Variants in LAMA3 observed in about 807,000 individuals in gnomAD.
LAMA3 encodes laminin subunit alpha-3.
LAMA3 carries 281 observed loss-of-function variants against 402.0 expected under a neutral mutation model. The ratio of observed to expected loss-of-function variants is 0.70; its 90% CI spans 0.63 to 0.77. The LOEUF is 0.77. Among genes scored for constraint, LAMA3 ranks in the 30% least tolerant of loss-of-function variants. The probability of loss-of-function intolerance (pLI) is 0.00; values close to 1 mark genes in which losing one functional copy is unlikely to be tolerated. For missense variants in LAMA3, 3,840 were observed against 4,215.5 expected, an observed-to-expected ratio of 0.91 and a Z score of 2.47; for synonymous variants, 1,431 against 1,558.4, an observed-to-expected ratio of 0.92 and a Z score of 1.93.
At chr18:23,766,011 A>G (rs2062068559) in intron 8 of LAMA3, among the ~76,000 whole-genome samples, 1 of 152,154 alleles carries the variant, frequency 6.6e-6, no homozygotes, top group Admixed American at 6.5e-5. Context: ...TTGGACTCCC[A>G]GAAGCAGAGA....
chr18:23,785,036 G>A (rs2062515761), intron 12 of LAMA3, among the ~76,000 whole-genome samples: 1 of 152,218 alleles, frequency 6.6e-6, no homozygotes, highest in Non-Finnish European at 1.5e-5. Context: ...CCAATGGAAT[G>A]GCTGGGTTTT....
Position 23,928,209 on chromosome 18 carries a change from G to A in LAMA3, c.8264G>A (p.Gly2755Glu), listed in dbSNP as rs1332650594. The A allele has an allele frequency of 1.7e-5, 27 of 1,613,344 alleles. No homozygotes were observed. The highest frequency in any genetic ancestry group is 2.3e-5 in the Non-Finnish European group (27 of 1,179,252). Residue 2755 changes from glycine (G) to glutamate (E), a missense_variant, in exon 63 of 75, where the codon GGA becomes GAA. Physicochemically the swap from Gly to Glu is moderately conservative, Grantham distance 98 (BLOSUM62 -2). Transcript: ENST00000313654. ...GTCGTTAGATTGAATGATACTGTGG[G>A]AGTAACCAAAAAGTGCTCGGAAGAC... ...SGVVRLNDTVGVTKKCSEDWK... is the reference protein window; with the variant it reads ...SGVVRLNDTVEVTKKCSEDWK...
chr18:23,772,835 G>A (rs1045678767), intron 8 of LAMA3, among the ~76,000 whole-genome samples: 1 of 152,204 alleles, frequency 6.6e-6, no homozygotes, highest in African/African-American at 2.4e-5. Flanking sequence ...AAATGAGCTA[G>A]ATCCATAGTT....
At position 23,899,058 on chromosome 18, in the gene LAMA3, T is replaced by G. The variant is rs896499645; in HGVS notation, c.5829T>G (p.Asn1943Lys). ...TGAAGATTAAAAATGTCATCCGGAA[T>G]GTGCACAGTAAGAAGAGTTATTAAG... Reference protein sequence around the residue: ...LDVKIKNVIRNVHILLKQISG... With the variant: ...LDVKIKNVIRKVHILLKQISG... The change falls in exon 46 of 75, where the codon AAT becomes AAG. Residue 1943 changes from asparagine (N) to lysine (K), a missense_variant. Asn to Lys is a moderately conservative substitution (Grantham distance 94). This residue lies in a region of LAMA3 where 891 missense variants were observed against 857.5 expected (regional missense o/e 1.04). Coordinates refer to ENST00000313654, the MANE Select transcript of LAMA3 (RefSeq NM_198129.4). 9 of 1,611,792 alleles carry G rather than the reference T, an allele frequency of 5.6e-6. No individual in the cohort carries two copies. Among genetic ancestry groups the G allele is most frequent in the Non-Finnish European group, 6.8e-6 (8 of 1,178,012 alleles).
Position 23,740,532 on chromosome 18 carries a change from T to A in LAMA3, c.448-7411T>A, listed in dbSNP as rs144564299. 1.4e-3 allele frequency among the ~76,000 whole-genome samples: 207 copies of A among 152,240 alleles called. 1 individual carries two copies. The highest frequency in any genetic ancestry group is 4.9e-3 in the African/African-American group (202 of 41,522). ...CTCAGGCTCCTGTGGTTCTTTTATA[T>A]TAGAAAGTGAGACACTCTCTCTTCT... is the stretch of plus-strand genomic sequence containing the variant. On this transcript the variant is annotated intron_variant, in intron 2 of 74. Coordinates refer to ENST00000313654, the MANE Select transcript of LAMA3 (RefSeq NM_198129.4).
At chr18:23,897,139 T>C (rs182289435) in intron 44 of LAMA3, among the ~76,000 whole-genome samples, 1 of 152,100 alleles carries the variant, frequency 6.6e-6, no homozygotes, top group Admixed American at 6.5e-5. Flanking sequence ...AAAGACCCAA[T>C]TGAAAATCAT....
intron 10 of LAMA3, 48 bp from the exon 11 acceptor site, chr18:23,777,509 C>A: frequency 7.8e-7 from 1 of 1,277,440 alleles, no homozygotes; most frequent in Non-Finnish European, 1.1e-6. Context: ...TTTTACTTTA[C>A]TATCTCCTTA....
intron 12 of LAMA3, among the ~76,000 whole-genome samples, chr18:23,799,140 G>T (rs1269752979): frequency 6.6e-6 from 1 of 152,194 alleles, no homozygotes; most frequent in East Asian, 1.9e-4. Context: ...TGACAGACAA[G>T]CCCCTGTCCT....
rs145596351 is a variant in LAMA3, at chr18:23,705,170, C to T, written c.295-8750C>T. 9.8e-3 allele frequency among the ~76,000 whole-genome samples: 1,487 copies of T among 152,180 alleles called. 17 individuals carry two copies. The highest frequency in any genetic ancestry group is 0.017 in the Non-Finnish European group (1,157 of 68,010). ...TCTCTGTCTAGAATGGCATTTGGTA[C>T]AGAGTAGATGATCATCATAGGTTTG... On this transcript the variant is annotated intron_variant, in intron 1 of 74. Coordinates refer to ENST00000313654, the MANE Select transcript of LAMA3 (RefSeq NM_198129.4).
At chr18:23,896,517 C>G (rs749426364) in intron 44 of LAMA3, among the ~76,000 whole-genome samples, 1 of 152,096 alleles carries the variant, frequency 6.6e-6, no homozygotes, top group Non-Finnish European at 1.5e-5. Flanking sequence ...TTTCATTGCT[C>G]AGAATGTGGT....
At chr18:23,756,946 C>G (rs2061858549) in intron 6 of LAMA3, among the ~76,000 whole-genome samples, 1 of 139,642 alleles carries the variant, frequency 7.2e-6, no homozygotes, top group Non-Finnish European at 1.6e-5. Flanking sequence ...ACTCCCTTCC[C>G]CCGCCCCGCC....
chr18:23,952,496 C>T (rs1234463498), intron 73 of LAMA3, among the ~76,000 whole-genome samples: 1 of 152,134 alleles, frequency 6.6e-6, no homozygotes, highest in Non-Finnish European at 1.5e-5. Flanking sequence ...AAAAAGTGGC[C>T]TTTTCTTGGC....
intron 11 of LAMA3, among the ~76,000 whole-genome samples, chr18:23,778,331 A>G (rs563363113): frequency 4.6e-5 from 7 of 152,346 alleles, no homozygotes; most frequent in African/African-American, 1.7e-4. Context: ...AAAAATTCCC[A>G]GCTTTCTTGG....
At chr18:23,915,196 T>C in intron 58 of LAMA3, 93 bp from the exon 59 acceptor site, 1 of 1,383,722 alleles carries the variant, frequency 7.2e-7, no homozygotes, top group South Asian at 1.2e-5. Flanking sequence ...AATTAACCCT[T>C]ATGCCATAGT....
chr18:23,809,697 A>G (rs761383847), intron 12 of LAMA3, among the ~76,000 whole-genome samples: 1 of 152,148 alleles, frequency 6.6e-6, no homozygotes, highest in Admixed American at 6.5e-5. Flanking sequence ...GCCAAAGATC[A>G]TGGTAACAGC....
intron 2 of LAMA3, among the ~76,000 whole-genome samples, chr18:23,720,367 T>G (rs1034854831): frequency 5.3e-5 from 8 of 152,138 alleles, no homozygotes; most frequent in African/African-American, 1.9e-4. Context: ...TTGTTTTTGT[T>G]TTTTTTGAGA....
intron 43 of LAMA3, among the ~76,000 whole-genome samples, chr18:23,894,571 C>A (rs1482445136): frequency 1.3e-5 from 2 of 152,228 alleles, no homozygotes; most frequent in Non-Finnish European, 2.9e-5. Context: ...AACATGATAA[C>A]TAGACCTACC....
intron 32 of LAMA3, among the ~76,000 whole-genome samples, chr18:23,855,893 C>T (rs975304927): frequency 6.6e-6 from 1 of 152,114 alleles, no homozygotes; most frequent in African/African-American, 2.4e-5. Context: ...GCCAGGAGGT[C>T]TTGCAAGTAA....
chr18:23,897,883 C>T (rs1175965684), intron 44 of LAMA3, among the ~76,000 whole-genome samples: 1 of 152,098 alleles, frequency 6.6e-6, no homozygotes, highest in Non-Finnish European at 1.5e-5. Flanking sequence ...AACCCTGCAG[C>T]TAAATACGAT....
Sources: gnomAD v4.1 joint callset for allele counts (sites outside exome capture counted in the v4.1 genomes callset) on GRCh38, gnomAD v4.1.1 for gene constraint, gnomAD v4.1.1 regional missense constraint, MANE v1.5 for transcripts, NCBI Gene and HGNC (gene_info 2026-07-23, HGNC 2026-07-21) for gene names.